Variants in CCDC91 observed in about 807,000 individuals in gnomAD.
CCDC91 encodes the protein coiled-coil domain containing 91, also known as coiled-coil domain-containing protein 91.
Under a neutral mutation model 63.2 loss-of-function variants are expected in CCDC91, and 48 were observed. The ratio of observed to expected loss-of-function variants is 0.76; its 90% CI spans 0.60 to 0.97. The LOEUF (loss-of-function observed/expected upper bound fraction) is 0.97. CCDC91 is among the 50% of genes least tolerant of loss of function. The probability of loss-of-function intolerance (pLI) is 0.00; values close to 1 mark genes in which losing one functional copy is unlikely to be tolerated. For missense variants in CCDC91, 500 were observed against 494.6 expected (o/e 1.01, Z -0.10); for synonymous variants, 167 against 165.8 (o/e 1.01, Z -0.06).
At chr12:28,210,595 G>T (rs1392186487) in intron 1 of CCDC91, among the ~76,000 whole-genome samples, 1 of 152,276 alleles carries the variant, frequency 6.6e-6, no homozygotes, top group East Asian at 1.9e-4. Flanking sequence ...GTCCCAGGCT[G>T]TTAGAGCTTG....
chr12:28,217,373 T>A (rs1943633313), intron 1 of CCDC91, among the ~76,000 whole-genome samples: 1 of 152,172 alleles, frequency 6.6e-6, no homozygotes, highest in South Asian at 2.1e-4. Context: ...ATACGTAGCT[T>A]GTGGAAAAAT....
At chr12:28,342,141 C>A (rs1942471391) in intron 6 of CCDC91, among the ~76,000 whole-genome samples, 1 of 152,142 alleles carries the variant, frequency 6.6e-6, no homozygotes, top group Non-Finnish European at 1.5e-5. Context: ...GAATTTGATG[C>A]CCTGTTGTTT....
intron 8 of CCDC91, among the ~76,000 whole-genome samples, chr12:28,397,226 A>G (rs1267270035): frequency 1.3e-5 from 2 of 152,204 alleles, no homozygotes; most frequent in African/African-American, 2.4e-5. Flanking sequence ...TGACCATTTC[A>G]TATGGCAACA....
chr12:28,310,365 A>G (rs1294877052), intron 6 of CCDC91, among the ~76,000 whole-genome samples: 2 of 152,062 alleles, frequency 1.3e-5, no homozygotes, highest in South Asian at 2.1e-4. Flanking sequence ...TATAAATGCT[A>G]TCTGGCATTA....
intron 7 of CCDC91, among the ~76,000 whole-genome samples, chr12:28,364,398 A>G (rs1944135425): frequency 6.6e-6 from 1 of 152,168 alleles, no homozygotes; most frequent in Admixed American, 6.5e-5. Flanking sequence ...AAAAAAAAAC[A>G]AAAACAAAAA....
intron 6 of CCDC91, among the ~76,000 whole-genome samples, chr12:28,317,396 T>A (rs1031987188): frequency 6.6e-6 from 1 of 152,014 alleles, no homozygotes; most frequent in Non-Finnish European, 1.5e-5. Flanking sequence ...GATACTTATT[T>A]TTTATGGAAT....
intron 3 of CCDC91, among the ~76,000 whole-genome samples, chr12:28,266,848 A>T (rs1321155920): frequency 2.0e-5 from 3 of 151,760 alleles, no homozygotes; most frequent in African/African-American, 7.3e-5. Context: ...TAGTGCTCTG[A>T]CTCTTTATAA....
intron 12 of CCDC91, among the ~76,000 whole-genome samples, chr12:28,536,443 T>A (rs1249586319): frequency 1.3e-5 from 2 of 152,196 alleles, no homozygotes; most frequent in Non-Finnish European, 2.9e-5. Flanking sequence ...AACTATAGCA[T>A]GACCTAGAAA....
At chr12:28,458,291 A>G (rs1408197883) in intron 11 of CCDC91, among the ~76,000 whole-genome samples, 1 of 151,758 alleles carries the variant, frequency 6.6e-6, no homozygotes, top group Non-Finnish European at 1.5e-5. Context: ...TATCATATCT[A>G]TAGAGAAATT....
rs758786357 is a variant in CCDC91, at chr12:28,447,713, AAGGGC to A, written c.763-2418_763-2414del. Among the ~76,000 whole-genome samples, 83 of 59,020 alleles carry A rather than the reference AAGGGC, an allele frequency of 1.4e-3. 1 individual carries two copies. Among genetic ancestry groups the A allele is most frequent in the African/African-American group, 3.6e-3 (52 of 14,520 alleles). 38.7% of individuals were successfully genotyped at this position (59,020 alleles called of 152,430 possible). A position where few individuals can be genotyped will look rare whatever the true frequency, so the allele number is the denominator to read the frequency against. On this transcript the variant is annotated intron_variant, in intron 8 of 12. Coordinates refer to ENST00000536442, the MANE Select transcript of CCDC91 (RefSeq NM_018318.5). Reference sequence around the variant, plus strand: ...GAAGGAATGAATAAAGAAGAATGGGAAGGGCAGGGCAGGGCAGGGCAGGGCAGGGC... The same window carrying A: ...GAAGGAATGAATAAAGAAGAATGGGAAGGGCAGGGCAGGGCAGGGCAGGGC...
At chr12:28,382,099 C>G (rs1011820151) in intron 7 of CCDC91, among the ~76,000 whole-genome samples, 23 of 151,980 alleles carry the variant, frequency 1.5e-4, no homozygotes, top group Admixed American at 1.2e-3. Context: ...AACTCATTCA[C>G]TTAGTCTCAC....
chr12:28,478,043 A>G (rs921231224), intron 11 of CCDC91, among the ~76,000 whole-genome samples: 17 of 152,180 alleles, frequency 1.1e-4, no homozygotes, highest in Non-Finnish European at 4.4e-5. Context: ...TGCCCAAGGT[A>G]ATTTATAGAT....
At chr12:28,514,071 G>A (rs946407732) in intron 12 of CCDC91, among the ~76,000 whole-genome samples, 4 of 151,784 alleles carry the variant, frequency 2.6e-5, no homozygotes, top group Non-Finnish European at 5.9e-5. Context: ...AACTTACACT[G>A]CCATCAGCAG....
At chr12:28,500,781 A>G (rs1398286658) in intron 12 of CCDC91, among the ~76,000 whole-genome samples, 1 of 151,700 alleles carries the variant, frequency 6.6e-6, no homozygotes, top group Non-Finnish European at 1.5e-5. Flanking sequence ...TTCCATAGAT[A>G]TTTGAACTGC....
At chr12:28,445,434 C>T (rs185336212) in intron 8 of CCDC91, among the ~76,000 whole-genome samples, 38 of 152,224 alleles carry the variant, frequency 2.5e-4, no homozygotes, top group African/African-American at 7.7e-4. Flanking sequence ...GTACAATTAT[C>T]AACTAATTTA....
At chr12:28,397,143 C>G (rs1436948377) in intron 8 of CCDC91, among the ~76,000 whole-genome samples, 1 of 152,152 alleles carries the variant, frequency 6.6e-6, no homozygotes, top group Non-Finnish European at 1.5e-5. Flanking sequence ...CCCAGAAATA[C>G]AGAGCATTTT....
At chr12:28,442,925 T>A (rs960678367) in intron 8 of CCDC91, among the ~76,000 whole-genome samples, 8 of 152,062 alleles carry the variant, frequency 5.3e-5, no homozygotes, top group Non-Finnish European at 1.0e-4. Context: ...TATAACTGTT[T>A]CCTATAAGAA....
chr12:28,459,604 CTTA>C (rs147025827), intron 11 of CCDC91, among the ~76,000 whole-genome samples: 3,004 of 152,176 alleles, frequency 0.02, 108 homozygotes, highest in African/African-American at 0.067. Flanking sequence ...TGAACTGATT[CTTA>C]TTATTGTTAC....
intron 8 of CCDC91, among the ~76,000 whole-genome samples, chr12:28,449,479 G>C (rs187862605): frequency 6.6e-6 from 1 of 152,024 alleles, no homozygotes; most frequent in Non-Finnish European, 1.5e-5. Flanking sequence ...GGCTGCAAAA[G>C]TTGAATATTC....
Sources: allele counts gnomAD v4.1 joint callset (sites outside exome capture counted in the v4.1 genomes callset), GRCh38; gene constraint gnomAD v4.1.1; transcripts MANE v1.5; gene names NCBI Gene and HGNC (gene_info 2026-07-23, HGNC 2026-07-21).